Variants in RBFOX1 observed in about 807,000 individuals in gnomAD.
RBFOX1 encodes RNA binding protein fox-1 homolog 1.
In RBFOX1, 8 loss-of-function variants were observed where a neutral mutation model predicts 57.7. The observed-to-expected ratio is 0.14, with a 90% CI of 0.08 to 0.25. The LOEUF is 0.25. Ranked by LOEUF, RBFOX1 falls within the 10% of genes least tolerant of loss-of-function variation. The probability of loss-of-function intolerance (pLI) is 1.00; values close to 1 mark genes in which losing one functional copy is unlikely to be tolerated. For synonymous variants in RBFOX1, 326 were observed against 222.4 expected (o/e 1.47, Z -4.15); for missense variants, 611 against 548.5 (o/e 1.11, Z -1.14).
At chr16:6,751,615 C>G (rs2074943591) in intron 3 of RBFOX1, among the ~76,000 whole-genome samples, 1 of 152,120 alleles carries the variant, frequency 6.6e-6, no homozygotes. Context: ...GTTTACTTGT[C>G]TTAGACTGCA....
intron 11 of RBFOX1, among the ~76,000 whole-genome samples, chr16:7,643,878 C>G (rs545620998): frequency 1.3e-5 from 2 of 152,260 alleles, no homozygotes; most frequent in Admixed American, 6.5e-5. Context: ...CACAGACCCT[C>G]TAATGTCTCC....
chr16:6,995,289 CTTGTGT>C, intron 3 of RBFOX1, among the ~76,000 whole-genome samples: 1 of 62,158 alleles, frequency 1.6e-5, no homozygotes, highest in East Asian at 8.3e-4. Context: ...TGAAAGTAGC[CTTGTGT>C]GTGTGTGTGT....
chr16:6,433,246 T>C (rs558156727), intron 2 of RBFOX1, among the ~76,000 whole-genome samples: 19 of 152,296 alleles, frequency 1.2e-4, no homozygotes, highest in Admixed American at 3.9e-4. Flanking sequence ...TGAGAAGTCA[T>C]AGAGAAAGAC....
At chr16:7,236,312 A>C (rs938431768) in intron 4 of RBFOX1, among the ~76,000 whole-genome samples, 1 of 152,226 alleles carries the variant, frequency 6.6e-6, no homozygotes, top group Non-Finnish European at 1.5e-5. Context: ...GTTTCAGCTC[A>C]AGTTAGGGAG....
At chr16:6,480,049 C>CAA (rs2095347908) in intron 2 of RBFOX1, among the ~76,000 whole-genome samples, 1 of 79,024 alleles carries the variant, frequency 1.3e-5, no homozygotes, top group African/African-American at 7.6e-5. Flanking sequence ...GACTCCACCT[C>CAA]GAAAAAAAAA....
intron 3 of RBFOX1, among the ~76,000 whole-genome samples, chr16:6,700,345 G>A (rs2061640669): frequency 2.3e-5 from 3 of 130,688 alleles, no homozygotes; most frequent in African/African-American, 5.2e-5. Flanking sequence ...AGCACCATAG[G>A]CAAGGTTAAA....
At chr16:7,356,841 T>A (rs891581939) in intron 4 of RBFOX1, among the ~76,000 whole-genome samples, 1 of 152,222 alleles carries the variant, frequency 6.6e-6, no homozygotes, top group Admixed American at 6.5e-5. Flanking sequence ...CTTACTATTA[T>A]GCGTAGTCTT....
chr16:5,371,541 G>A (rs12922372), intron 1 of RBFOX1, among the ~76,000 whole-genome samples: 22,368 of 152,212 alleles, frequency 0.15, 2,277 homozygotes, highest in Non-Finnish European at 0.2. Context: ...TTTTGTTATG[G>A]CAGCCCTAGC....
intron 4 of RBFOX1, among the ~76,000 whole-genome samples, chr16:7,428,519 T>G (rs1376824859): frequency 6.9e-6 from 1 of 144,586 alleles, no homozygotes; most frequent in Admixed American, 7.0e-5. Flanking sequence ...ATTATTATTA[T>G]TATTATTATT....
Position 7,147,457 on chromosome 16 carries a change from C to G in RBFOX1, c.27+95359C>G, listed in dbSNP as rs550999134. On this transcript the variant is annotated intron_variant, in intron 4 of 15. Transcript: ENST00000550418. ...TAGTACTTGGTAGACGGTTTTTCAA[C>G]CCCGGCCTTCCCACTCCCCTGCATC... Among the ~76,000 whole-genome samples the G allele has an allele frequency of 2.5e-4, 38 of 152,148 alleles. No homozygotes were observed. In the South Asian group the frequency reaches 7.7e-3, roughly 31 times the overall value.
chr16:5,377,805 A>AT (rs1366616482), intron 1 of RBFOX1, among the ~76,000 whole-genome samples: 1 of 151,496 alleles, frequency 6.6e-6, no homozygotes, highest in African/African-American at 2.5e-5. Flanking sequence ...GAAAATAAAT[A>AT]TGCAAAAAAG....
At chr16:5,734,759 C>T (rs7198258) in intron 3 of RBFOX1, among the ~76,000 whole-genome samples, 2,595 of 152,164 alleles carry the variant, frequency 0.017, 69 homozygotes, top group African/African-American at 0.048. Context: ...TCCCTGTAGG[C>T]TATAGGGAAT....
intron 4 of RBFOX1, among the ~76,000 whole-genome samples, chr16:7,058,547 T>A (rs1320361479): frequency 6.6e-6 from 1 of 152,196 alleles, no homozygotes; most frequent in Non-Finnish European, 1.5e-5. Flanking sequence ...ATAGTGGAGA[T>A]AATCATTGCA....
chr16:6,819,024 CAG>C (rs1237291966), intron 3 of RBFOX1, among the ~76,000 whole-genome samples: 1 of 152,146 alleles, frequency 6.6e-6, no homozygotes. Context: ...AGGTAAGTAA[CAG>C]AGATGGACTA....
rs140937618 is a variant in RBFOX1, at chr16:6,685,200, C to T, written c.-16+30550C>T. Among the ~76,000 whole-genome samples, 605 of 151,638 alleles carry T rather than the reference C, an allele frequency of 4.0e-3. 3 individuals are homozygous for T. Among genetic ancestry groups the T allele is most frequent in the African/African-American group, 0.014 (577 of 41,308 alleles). On this transcript the variant is annotated intron_variant, in intron 3 of 15. Transcript: ENST00000550418. Reference sequence around the variant, plus strand: ...TGTACTTACTAACCAAAAATAAAGACAGGAGGTGTTGTTAATCATTACACT... The same window carrying T: ...TGTACTTACTAACCAAAAATAAAGATAGGAGGTGTTGTTAATCATTACACT...
intron 3 of RBFOX1, among the ~76,000 whole-genome samples, chr16:5,681,634 C>A (rs2050342521): frequency 1.3e-5 from 2 of 151,934 alleles, no homozygotes; most frequent in African/African-American, 2.4e-5. Context: ...CTCAGGTGAT[C>A]CACCCACCTC....
At chr16:6,904,407 T>G (rs1294951171) in intron 3 of RBFOX1, among the ~76,000 whole-genome samples, 2 of 151,468 alleles carry the variant, frequency 1.3e-5, no homozygotes, top group Non-Finnish European at 2.9e-5. Context: ...TTGAGACCAG[T>G]CTGGCCAACA....
At chr16:7,266,578 GCTCTAT>G (rs1445979950) in intron 4 of RBFOX1, among the ~76,000 whole-genome samples, 2 of 152,128 alleles carry the variant, frequency 1.3e-5, no homozygotes, top group Non-Finnish European at 2.9e-5. Flanking sequence ...CCTCACCAAA[GCTCTAT>G]CTCTGAATAC....
chr16:7,345,895 A>C (rs890933759), intron 4 of RBFOX1, among the ~76,000 whole-genome samples: 4 of 152,052 alleles, frequency 2.6e-5, no homozygotes, highest in Admixed American at 6.6e-5. Context: ...TGTTACATAC[A>C]TATACATGTG....
Sources: gnomAD v4.1 joint callset for allele counts (sites outside exome capture counted in the v4.1 genomes callset) on GRCh38, gnomAD v4.1.1 for gene constraint, MANE v1.5 for transcripts, NCBI Gene and HGNC (gene_info 2026-07-23, HGNC 2026-07-21) for gene names.